The following IFT81 variants were observed in gnomAD, a reference collection of about 807,000 sequenced individuals.
IFT81 encodes intraflagellar transport 81, also known as intraflagellar transport protein 81 homolog.
Under a neutral mutation model 102.6 loss-of-function variants are expected in IFT81, and 72 were observed. That is an observed-to-expected ratio of 0.70 (90% CI 0.58 to 0.85). IFT81 has a LOEUF of 0.85. IFT81 is among the 40% of genes least tolerant of loss of function. The pLI is 0.00. For synonymous variants in IFT81, 237 were observed against 242.7 expected, an observed-to-expected ratio of 0.98 and a Z score of 0.22; for missense variants, 723 against 787.3, an observed-to-expected ratio of 0.92 and a Z score of 0.98.
chr12:110,132,093 AG>A (rs1241240067), intron 4 of IFT81, among the ~76,000 whole-genome samples: 1 of 152,198 alleles, frequency 6.6e-6, no homozygotes, highest in Non-Finnish European at 1.5e-5. Flanking sequence ...TAAATGTATA[AG>A]GATGTGTTTT....
At chr12:110,149,662 T>A (rs1388323064) in intron 10 of IFT81, among the ~76,000 whole-genome samples, 2 of 151,964 alleles carry the variant, frequency 1.3e-5, no homozygotes, top group Non-Finnish European at 2.9e-5. Flanking sequence ...GGCCGCCGAG[T>A]GGCCTGACTC....
chr12:110,157,681 C>A (rs1288899643), intron 10 of IFT81, among the ~76,000 whole-genome samples: 1 of 152,152 alleles, frequency 6.6e-6, no homozygotes, highest in African/African-American at 2.4e-5. Flanking sequence ...TAATGGTATC[C>A]CACATATCCC....
chr12:110,176,318 G>A (rs1476305158), intron 11 of IFT81, among the ~76,000 whole-genome samples: 1 of 152,018 alleles, frequency 6.6e-6, no homozygotes, highest in Non-Finnish European at 1.5e-5. Context: ...CAACCTTACT[G>A]GCACCTCCAT....
intron 14 of IFT81, among the ~76,000 whole-genome samples, chr12:110,201,669 A>T (rs1898282184): frequency 6.6e-6 from 1 of 151,584 alleles, no homozygotes; most frequent in African/African-American, 2.4e-5. Flanking sequence ...CTTGTCTCAA[A>T]CTCCTGGGCT....
intron 18 of IFT81, chr12:110,216,955 T>C (rs1870220414): frequency 4.9e-6 from 1 of 204,158 alleles, no homozygotes; most frequent in Non-Finnish European, 1.0e-5. Context: ...AATGTGGACA[T>C]TTCTCAGGCT....
chr12:110,194,276 T>C (rs1372437447), intron 14 of IFT81, among the ~76,000 whole-genome samples: 1 of 152,202 alleles, frequency 6.6e-6, no homozygotes, highest in African/African-American at 2.4e-5. Context: ...GTCTAACTTA[T>C]ATTTATCTAG....
intron 14 of IFT81, among the ~76,000 whole-genome samples, chr12:110,196,786 A>C (rs1044016794): frequency 2.6e-5 from 4 of 152,168 alleles, no homozygotes; most frequent in Admixed American, 2.0e-4. Context: ...TTTGCCTTAG[A>C]GTATTATTTT....
intron 15 of IFT81, chr12:110,204,250 A>G (rs1898451588): frequency 3.6e-6 from 1 of 280,568 alleles, no homozygotes; most frequent in African/African-American, 2.2e-5. Flanking sequence ...TTTAATTTGT[A>G]CACACTTAAT....
intron 11 of IFT81, among the ~76,000 whole-genome samples, chr12:110,175,905 CATTT>C (rs1897016276): frequency 6.6e-6 from 1 of 152,124 alleles, no homozygotes; most frequent in South Asian, 2.1e-4. Context: ...TTCTATATTG[CATTT>C]ATTTATTTGC....
intron 14 of IFT81, chr12:110,203,516 T>C (rs562814386): frequency 4.8e-6 from 1 of 206,698 alleles, no homozygotes; most frequent in African/African-American, 2.3e-5. Context: ...CCGGGAGTCC[T>C]GTGTGCCTTC....
chr12:110,147,969 A>G (rs2137378716), intron 10 of IFT81, among the ~76,000 whole-genome samples: 1 of 152,328 alleles, frequency 6.6e-6, no homozygotes, highest in African/African-American at 2.4e-5. Context: ...AATCAATGAC[A>G]TTCCCTTGTC....
intron 13 of IFT81, among the ~76,000 whole-genome samples, chr12:110,191,466 C>T (rs1292358894): frequency 1.3e-5 from 2 of 151,928 alleles, no homozygotes; most frequent in Non-Finnish European, 2.9e-5. Flanking sequence ...CCACTACACC[C>T]GGTCTCATCT....
At chr12:110,170,026 C>T (rs1420224028) in intron 11 of IFT81, among the ~76,000 whole-genome samples, 4 of 152,028 alleles carry the variant, frequency 2.6e-5, no homozygotes, top group Non-Finnish European at 5.9e-5. Flanking sequence ...GATCTTGGCT[C>T]ACTGCAAGCT....
intron 17 of IFT81, among the ~76,000 whole-genome samples, chr12:110,206,287 T>G (rs1050727080): frequency 6.6e-6 from 1 of 152,140 alleles, no homozygotes; most frequent in Non-Finnish European, 1.5e-5. Flanking sequence ...CAATCCCAGC[T>G]TGTGGCGTAC....
At chr12:110,153,906 C>T (rs147311689) in intron 10 of IFT81, among the ~76,000 whole-genome samples, 3 of 151,336 alleles carry the variant, frequency 2.0e-5, no homozygotes, top group African/African-American at 7.3e-5. Context: ...CATGAGCCAC[C>T]GCGCCCAGCC....
chr12:110,196,919 G>A (rs1339066179), intron 14 of IFT81, among the ~76,000 whole-genome samples: 3 of 152,016 alleles, frequency 2.0e-5, no homozygotes, highest in Non-Finnish European at 4.4e-5. Flanking sequence ...AGCATGTAGG[G>A]CCAGGCAGCA....
At chr12:110,172,846 C>T (rs1479599474) in intron 11 of IFT81, among the ~76,000 whole-genome samples, 1 of 152,150 alleles carries the variant, frequency 6.6e-6, no homozygotes, top group African/African-American at 2.4e-5. Flanking sequence ...GCCTGGCCGC[C>T]CATCGTCTGG....
At chr12:110,213,386 C>T (rs1869714257) in intron 18 of IFT81, among the ~76,000 whole-genome samples, 1 of 152,096 alleles carries the variant, frequency 6.6e-6, no homozygotes, top group Admixed American at 6.5e-5. Context: ...CTTCTGTCCC[C>T]AGTATATCTT....
chr12:110,134,381 A>T (rs1440806089), intron 5 of IFT81, among the ~76,000 whole-genome samples: 2 of 152,010 alleles, frequency 1.3e-5, no homozygotes, highest in African/African-American at 4.8e-5. Context: ...GAGTTTTTTT[A>T]TTTGTTTGTT....
Sources: gnomAD v4.1 joint callset for allele counts (sites outside exome capture counted in the v4.1 genomes callset) on GRCh38, gnomAD v4.1.1 for gene constraint, MANE v1.5 for transcripts, NCBI Gene and HGNC (gene_info 2026-07-23, HGNC 2026-07-21) for gene names.